Variants in RBBP8NL observed in about 807,000 individuals in gnomAD.
The protein encoded by RBBP8NL is RBBP8 N-terminal-like protein.
In RBBP8NL, 59 loss-of-function variants were observed where a neutral mutation model predicts 62.2. The observed-to-expected ratio is 0.95, with a 90% CI of 0.77 to 1.18. The LOEUF is 1.18. Among genes scored for constraint, RBBP8NL ranks in the 50% most tolerant of loss-of-function variants. The probability of loss-of-function intolerance (pLI) is 0.00; values close to 1 mark genes in which losing one functional copy is unlikely to be tolerated. For missense variants in RBBP8NL, 896 were observed against 899.5 expected (o/e 1.00, Z 0.05); for synonymous variants, 412 against 394.1 (o/e 1.05, Z -0.54).
intron 10 of RBBP8NL, 129 bp downstream of exon 10, chr20:62,413,692 C>A: frequency 7.1e-7 from 1 of 1,416,544 alleles, no homozygotes; most frequent in East Asian, 2.4e-5. Flanking sequence ...GAGGCAGCCT[C>A]GCTTTCTCCC....
In RBBP8NL at chr20:62,414,129, C is replaced by T. The variant is rs10888228; in HGVS notation, c.1222G>A (p.Ala408Thr). 204,976 of 1,597,464 alleles carry T rather than the reference C, an allele frequency of 0.13. 15,022 individuals are homozygous for T. The highest frequency in any genetic ancestry group is 0.27 in the African/African-American group (19,874 of 74,826). Residue 408 changes from alanine (A) to threonine (T), a missense_variant, in exon 10 of 14, where the codon GCA becomes ACA. Ala to Thr is a moderately conservative substitution (Grantham distance 58). Coordinates refer to ENST00000252998, the MANE Select transcript of RBBP8NL (RefSeq NM_080833.3). Reference sequence around the variant, plus strand: ...TGCCGCCCTCCAGACAGGCCTGCTGCGGCCAGAGCTGCCCTGGTCCCCTCA... The same window carrying T: ...TGCCGCCCTCCAGACAGGCCTGCTGTGGCCAGAGCTGCCCTGGTCCCCTCA... The part of the protein sequence containing the change: ...ENEGTRAALA[A>T]AGLSGGRHTQ...
At chr20:62,419,010 C>T (rs1988641842) in intron 2 of RBBP8NL, among the ~76,000 whole-genome samples, 1 of 151,986 alleles carries the variant, frequency 6.6e-6, no homozygotes, top group African/African-American at 2.4e-5. Flanking sequence ...TGGGACTGGA[C>T]TGGGGGTGGT....
intron 5 of RBBP8NL, among the ~76,000 whole-genome samples, 172 bp downstream of exon 5, chr20:62,416,588 C>T (rs537626728): frequency 2.0e-5 from 3 of 152,326 alleles, no homozygotes; most frequent in Admixed American, 6.5e-5. Context: ...GCCACACCAG[C>T]GCCGGCTGGG....
chr20:62,417,450 G>A, intron 3 of RBBP8NL, 131 bp from the exon 4 acceptor site: 3 of 644,050 alleles, frequency 4.7e-6, no homozygotes, highest in East Asian at 5.6e-5. Context: ...GCCTAACCCG[G>A]TGCCCCCCTC....
At chr20:62,418,298 C>T in intron 3 of RBBP8NL, 125 bp downstream of exon 3, 3 of 972,152 alleles carry the variant, frequency 3.1e-6, no homozygotes, top group Non-Finnish European at 4.8e-6. Context: ...CCCCCGCCCC[C>T]ACACTGAGCC....
In RBBP8NL at chr20:62,410,861, A is replaced by G. The variant is rs199572473; in HGVS notation, c.*17T>C. The G allele has an allele frequency of 2.2e-4, 348 of 1,567,928 alleles. No individual in the cohort carries two copies. The African/African-American group carries it at 4.3e-3, about 19-fold the overall frequency. On this transcript the variant is annotated 3_prime_UTR_variant, in exon 14 of 14. Transcript: ENST00000252998. ...GAGGGCTGCCCCGGGCTCGCTGTGG[A>G]CCCTGGTGCAGGCTGGCTAGGTCTC...
At chr20:62,414,953 T>G (rs1212255833) in intron 9 of RBBP8NL, among the ~76,000 whole-genome samples, 168 bp downstream of exon 9, 1 of 152,172 alleles carries the variant, frequency 6.6e-6, no homozygotes, top group Non-Finnish European at 1.5e-5. Context: ...GCCTGGCCAC[T>G]CTGGAGGTGT....
rs181860503 is a variant in RBBP8NL, at chr20:62,424,585, T to C, written c.-84+2875A>G. 2.4e-3 allele frequency among the ~76,000 whole-genome samples: 372 copies of C among 152,228 alleles called. 2 individuals are homozygous for C. Among genetic ancestry groups the C allele is most frequent in the African/African-American group, 8.2e-3 (339 of 41,548 alleles). ...CCAGAACGGAACAGAGCCCATCCAG[T>C]AAACGGGTGCCTCTTATCCCCCGGA... On this transcript the variant is annotated intron_variant, in intron 1 of 13. Transcript: ENST00000252998.
chr20:62,422,655 CCGGGG>C (rs1159229195), intron 1 of RBBP8NL, among the ~76,000 whole-genome samples: 4 of 113,728 alleles, frequency 3.5e-5, no homozygotes, highest in Non-Finnish European at 5.6e-5. Context: ...GGGATGGGGA[CCGGGG>C]TGGGGATGGG....
rs747739276 is a variant in RBBP8NL, at chr20:62,414,009, C to T, written c.1342G>A (p.Gly448Ser). The T allele has an allele frequency of 6.3e-7, 1 of 1,578,686 alleles. No homozygotes were observed. Among genetic ancestry groups the T allele is most frequent in the South Asian group, 1.2e-5 (1 of 86,564 alleles). The change falls in exon 10 of 14, where the codon GGC (glycine) becomes AGC (serine). Residue 448 changes from glycine to serine, a missense_variant. Coordinates refer to ENST00000252998, the MANE Select transcript of RBBP8NL (RefSeq NM_080833.3). ...GGAGTGTCCTGGCCCCGGGCCCGGC[C>T]CCACTCCGAGAGGTCCAGGGGCTTG... Reference protein sequence around the residue: ...LDKPLDLSEWGRARGQDTPKP... With the variant: ...LDKPLDLSEWSRARGQDTPKP...
At position 62,418,416 on chromosome 20, in the gene RBBP8NL, G is replaced by A. The variant is rs1203448424; in HGVS notation, c.104+7C>T. 3 of 1,550,370 alleles carry A rather than the reference G, an allele frequency of 1.9e-6. No individual in the cohort carries two copies. On this transcript the variant is annotated splice_region_variant and intron_variant, in intron 3 of 13. Transcript: ENST00000252998. ...TGTGAGGAGGGGCCCTGCTTGGCCT[G>A]ACTCACCGGCACCTCTCTGAGTTCA...
chr20:62,416,030 C>T, intron 6 of RBBP8NL, 85 bp from the exon 7 acceptor site: 3 of 1,458,434 alleles, frequency 2.1e-6, no homozygotes, highest in Non-Finnish European at 1.9e-6. Context: ...TCCTGGGTGA[C>T]CCCAGGTGAC....
intron 13 of RBBP8NL, among the ~76,000 whole-genome samples, chr20:62,411,853 G>A (rs548279465): frequency 3.1e-4 from 47 of 152,370 alleles, no homozygotes; most frequent in Middle Eastern, 6.8e-3. Flanking sequence ...TGCCGCTCCG[G>A]GCAGACGCAG....
At chr20:62,425,349 G>A (rs570008412) in intron 1 of RBBP8NL, among the ~76,000 whole-genome samples, 3 of 152,302 alleles carry the variant, frequency 2.0e-5, no homozygotes, top group East Asian at 1.9e-4. Context: ...CCCTCCCCAC[G>A]CTCAGGGCAG....
chr20:62,415,727 G>A (rs1461740024), intron 7 of RBBP8NL, 61 bp downstream of exon 7: 2 of 1,609,630 alleles, frequency 1.2e-6, no homozygotes, highest in Non-Finnish European at 1.7e-6. Context: ...CCAGCCCCAG[G>A]GGGAGGATCC....
rs1988422838 is a variant in RBBP8NL at position 62,411,051 on chromosome 20, C to T, written c.1877-55G>A. 4.2e-6 allele frequency: 5 copies of T among 1,183,120 alleles called. No homozygotes were observed. The South Asian group carries it at 6.3e-5, about 15-fold the overall frequency. The allele number at this position is 1,183,120 out of a possible 1,614,324, so 73.3% of individuals were successfully genotyped here. ...AGCTGTGTGCCTTCCTTTGAGGCAACACTGGCTCTCACCTAGGGCCTCCTG... is the reference window on the plus strand; with the variant it reads ...AGCTGTGTGCCTTCCTTTGAGGCAATACTGGCTCTCACCTAGGGCCTCCTG... On this transcript the variant is annotated intron_variant, in intron 13 of 13. Transcript: ENST00000252998.
Position 62,416,697 on chromosome 20 carries a change from A to T in RBBP8NL, c.313+63T>A, listed in dbSNP as rs964805912. On this transcript the variant is annotated intron_variant, in intron 5 of 13. Transcript: ENST00000252998. ...TTCCCCATGCCCCTACATGGGCTGA[A>T]CAGGCCTGGGGTCGCCTGGCCCCGT... The T allele has an allele frequency of 9.3e-6, 11 of 1,178,560 alleles. No homozygotes were observed. The South Asian group carries it at 1.3e-4, about 14-fold the overall frequency. The allele number at this position is 1,178,560 out of a possible 1,614,324, so 73.0% of individuals were successfully genotyped here. A position where few individuals can be genotyped will look rare whatever the true frequency, so the allele number is the denominator to read the frequency against.
chr20:62,414,283 G>C lies in RBBP8NL; in HGVS notation c.1068C>G (p.His356Gln). Reference protein sequence around the residue: ...MQDLRLEGALHLLLAQQQLRA... With the variant: ...MQDLRLEGALQLLLAQQQLRA... ...GCAGCTGCTGCTGGGCCAGGAGCAG[G>C]TGCAGTGCCCCCTCCAGGCGAAGGT... Residue 356 changes from histidine to glutamine, a missense_variant, in exon 10 of 14, where the codon CAC becomes CAG. His to Gln is a conservative substitution (Grantham distance 24, BLOSUM62 0). Transcript: ENST00000252998. The C allele has an allele frequency of 1.3e-6, 2 of 1,580,730 alleles. No individual in the cohort carries two copies. Among genetic ancestry groups the C allele is most frequent in the Non-Finnish European group, 1.7e-6 (2 of 1,165,748 alleles).
chr20:62,413,373 G>A lies in RBBP8NL; in HGVS notation c.1675+28C>T, dbSNP rs1190411191. ...TCCGTGGGGAAAACACCTCCCAGCTGGACTCTGACCCCAGGTGCTGACTGT... is the reference window on the plus strand; with the variant it reads ...TCCGTGGGGAAAACACCTCCCAGCTAGACTCTGACCCCAGGTGCTGACTGT... On this transcript the variant is annotated intron_variant, in intron 11 of 13. Transcript: ENST00000252998. The A allele has an allele frequency of 2.9e-6, 4 of 1,400,374 alleles. No homozygotes were observed. The African/African-American group carries it at 4.4e-5, about 15-fold the overall frequency. 86.7% of individuals were successfully genotyped at this position (1,400,374 alleles called of 1,614,324 possible).
Sources: allele counts gnomAD v4.1 joint callset (sites outside exome capture counted in the v4.1 genomes callset), GRCh38; gene constraint gnomAD v4.1.1; transcripts MANE v1.5; gene names NCBI Gene and HGNC (gene_info 2026-07-23, HGNC 2026-07-21).